Variants in TOPBP1 observed in about 807,000 individuals in gnomAD.
TOPBP1 encodes DNA topoisomerase II binding protein 1.
In TOPBP1, 28 loss-of-function variants were observed where a neutral mutation model predicts 167.7. That is an observed-to-expected ratio of 0.17 (90% CI 0.12 to 0.23). TOPBP1 has a LOEUF of 0.23. Ranked by LOEUF, TOPBP1 falls within the 10% of genes least tolerant of loss-of-function variation. TOPBP1 has a pLI of 1.00. For missense variants in TOPBP1, 1,554 were observed against 1,809.6 expected (o/e 0.86, Z 2.56); for synonymous variants, 598 against 611.4 (o/e 0.98, Z 0.32).
intron 25 of TOPBP1, among the ~76,000 whole-genome samples, chr3:133,609,927 T>C (rs1934617594): frequency 6.6e-6 from 1 of 152,234 alleles, no homozygotes; most frequent in Non-Finnish European, 1.5e-5. Context: ...TATTGAGATA[T>C]AATTCCCAAA....
At chr3:133,638,307 C>T (rs1403318557) in intron 13 of TOPBP1, 145 bp from the exon 14 acceptor site, 2 of 762,898 alleles carry the variant, frequency 2.6e-6, no homozygotes, top group Middle Eastern at 3.8e-4. Flanking sequence ...ACCTCGGCAT[C>T]CTAATCTGTT....
In TOPBP1 at chr3:133,616,794, T is replaced by C. The variant is rs756994432; in HGVS notation, c.3871+20A>G. 1 of 1,396,876 alleles carries C rather than the reference T, an allele frequency of 7.2e-7. No individual in the cohort carries two copies. The highest frequency in any genetic ancestry group is 2.5e-5 in the East Asian group (1 of 39,840). 86.5% of individuals were successfully genotyped at this position (1,396,876 alleles called of 1,614,324 possible). ...TGGTTATTATATGGGACATTTTGGATTTAAGTAAAATACTGGTACCTAGTT... is the reference window on the plus strand; with the variant it reads ...TGGTTATTATATGGGACATTTTGGACTTAAGTAAAATACTGGTACCTAGTT... On this transcript the variant is annotated intron_variant, in intron 23 of 27. Coordinates refer to ENST00000260810, the MANE Select transcript of TOPBP1 (RefSeq NM_007027.4).
At chr3:133,604,934 A>G (rs1934440806) in intron 27 of TOPBP1, among the ~76,000 whole-genome samples, 1 of 151,630 alleles carries the variant, frequency 6.6e-6, no homozygotes. Context: ...TAAAAATACA[A>G]AAAAAGAAAA....
Position 133,617,337 on chromosome 3 carries a change from T to C in TOPBP1, c.3593-11A>G, listed in dbSNP as rs1934931122. The C allele has an allele frequency of 1.3e-6, 2 of 1,592,388 alleles. No individual in the cohort carries two copies. Among genetic ancestry groups the C allele is most frequent in the Admixed American group, 1.8e-5 (1 of 54,648 alleles). On this transcript the variant is annotated splice_polypyrimidine_tract_variant and intron_variant, in intron 21 of 27. Coordinates refer to ENST00000260810, the MANE Select transcript of TOPBP1 (RefSeq NM_007027.4). ...CAGGATCACAGACAGCTGAGGACAA[T>C]AAAATGCTGCAGTGTGACAGGATCC... is the stretch of plus-strand genomic sequence containing the variant.
chr3:133,615,695 T>A (rs1250433241), intron 23 of TOPBP1, among the ~76,000 whole-genome samples: 6 of 151,570 alleles, frequency 4.0e-5, no homozygotes. Context: ...TTACTTTATA[T>A]AAAAAAAAAC....
rs1167225501 is a variant in TOPBP1, at chr3:133,649,509, T to G, written c.1378A>C (p.Ser460Arg). ...VEIPVSHKPE[S>R]KAALLKKKNS... ...TTCTTTTTTAAAAGAGCTGCTTTAC[T>G]TTCAGGCTTATGTGAAACTGGAATT... Residue 460 changes from serine (S) to arginine (R), a missense_variant, in exon 10 of 28, where the codon AGT becomes CGT. Ser to Arg is a moderately radical substitution (Grantham distance 110, BLOSUM62 -1). Around this residue, in one of 3 missense-constraint regions of TOPBP1, gnomAD observed 1,197 missense variants for 1,351.5 expected, o/e 0.89. Transcript: ENST00000260810. 6.2e-7 allele frequency: 1 copy of G among 1,613,962 alleles called. No homozygotes were observed. Among genetic ancestry groups the G allele is most frequent in the East Asian group, 2.2e-5 (1 of 44,868 alleles).
Position 133,620,195 on chromosome 3 carries a change from A to G in TOPBP1, c.3331T>C (p.Ser1111Pro), listed in dbSNP as rs1935037605. The change falls in exon 20 of 28, where the codon TCT becomes CCT. Residue 1111 changes from serine to proline, a missense_variant. Around this residue, in one of 3 missense-constraint regions of TOPBP1, gnomAD observed 1,197 missense variants for 1,351.5 expected, o/e 0.89. Transcript: ENST00000260810. ...ACTCTACTTCGTCCACTGCGAGCAG[A>G]GCGAGTGCTGTCAGGGGTTGAAGAT... is the stretch of plus-strand genomic sequence containing the variant. ...SASSTPDSTR[S>P]ARSGRSRVLE... The G allele has an allele frequency of 1.2e-6, 2 of 1,613,780 alleles. No homozygotes were observed. The highest frequency in any genetic ancestry group is 1.7e-6 in the Non-Finnish European group (2 of 1,179,854).
At chr3:133,622,537 C>T (rs77067273) in intron 19 of TOPBP1, among the ~76,000 whole-genome samples, 2,313 of 151,756 alleles carry the variant, frequency 0.015, 63 homozygotes, top group African/African-American at 0.053. Context: ...AACATATTTA[C>T]GGCTATATAT....
intron 23 of TOPBP1, among the ~76,000 whole-genome samples, chr3:133,616,205 C>T (rs1934872777): frequency 6.6e-6 from 1 of 151,690 alleles, no homozygotes; most frequent in South Asian, 2.1e-4. Flanking sequence ...TTGCAACCTC[C>T]GCCTCCCAGG....
At chr3:133,658,298 C>A (rs1936553548) in intron 3 of TOPBP1, among the ~76,000 whole-genome samples, 1 of 152,020 alleles carries the variant, frequency 6.6e-6, no homozygotes, top group Admixed American at 6.6e-5. Flanking sequence ...GAAACCCCGT[C>A]TCTACTAAAA....
chr3:133,630,754 G>T (rs1041842723), intron 14 of TOPBP1, among the ~76,000 whole-genome samples: 9 of 152,124 alleles, frequency 5.9e-5, no homozygotes, highest in African/African-American at 1.9e-4. Flanking sequence ...CCCAGTTAGA[G>T]AATTTTTAAT....
At chr3:133,624,203 T>C (rs11719585) in intron 16 of TOPBP1, 28 bp from the exon 17 acceptor site, 283,744 of 1,603,562 alleles carry the variant, frequency 0.18, 27,842 homozygotes, top group Non-Finnish European at 0.2. Flanking sequence ...AAAAAACAAA[T>C]AACCAAGAGA....
chr3:133,604,906 A>G (rs1022751173), intron 27 of TOPBP1, among the ~76,000 whole-genome samples: 1 of 151,142 alleles, frequency 6.6e-6, no homozygotes, highest in Non-Finnish European at 1.5e-5. Flanking sequence ...GCGACAGAGC[A>G]AGACTCCATC....
At chr3:133,653,689 G>A (rs1370767458) in intron 6 of TOPBP1, among the ~76,000 whole-genome samples, 165 bp from the exon 7 acceptor site, 1 of 149,994 alleles carries the variant, frequency 6.7e-6, no homozygotes, top group Non-Finnish European at 1.5e-5. Context: ...GTACAGTGGT[G>A]AGATCTTGGC....
rs754884600 is a variant in TOPBP1, at chr3:133,644,177, C to T, written c.1691G>A (p.Ser564Asn). 1.9e-6 allele frequency: 3 copies of T among 1,613,868 alleles called. No individual in the cohort carries two copies. The highest frequency in any genetic ancestry group is 3.3e-5 in the Admixed American group (2 of 59,974). Residue 564 changes from serine to asparagine, a missense_variant, in exon 11 of 28, where the codon AGT (serine) becomes AAT (asparagine). Coordinates refer to ENST00000260810, the MANE Select transcript of TOPBP1 (RefSeq NM_007027.4). The part of the protein sequence containing the change: ...SQKSFLVLGF[S>N]NENESNIANI... Reference sequence around the variant, plus strand: ...TGCGATGTTAGATTCATTTTCATTACTAAAACCCAAAACAAGGAAACTCTT... The same window carrying T: ...TGCGATGTTAGATTCATTTTCATTATTAAAACCCAAAACAAGGAAACTCTT...
At chr3:133,656,999 C>A in intron 4 of TOPBP1, 142 bp from the exon 5 acceptor site, 2 of 730,676 alleles carry the variant, frequency 2.7e-6, no homozygotes, top group South Asian at 5.0e-5. Context: ...AATAATTAAC[C>A]AAATTATTTT....
In TOPBP1 at chr3:133,601,263, G is replaced by C; in HGVS notation, c.4556C>G (p.Pro1519Arg). Reference sequence around the variant, plus strand: ...GGGTAGATGCGATTAGTGTACTCTAGGTCGTTTGATTTTATTTTTTTCTGT... The same window carrying C: ...GGGTAGATGCGATTAGTGTACTCTACGTCGTTTGATTTTATTTTTTTCTGT... Reference protein sequence around the residue: ...APTEKNKIKRPRVH With the variant: ...APTEKNKIKRRRVH Residue 1519 changes from proline to arginine, a missense_variant, in exon 28 of 28, where the codon CCT becomes CGT. By Grantham distance (103) the Pro-to-Arg change is moderately radical. This residue lies in a region of TOPBP1 where 351 missense variants were observed against 432.9 expected (regional missense o/e 0.81). Coordinates refer to ENST00000260810, the MANE Select transcript of TOPBP1 (RefSeq NM_007027.4). The C allele has an allele frequency of 6.2e-7, 1 of 1,604,388 alleles. No individual in the cohort carries two copies. Among genetic ancestry groups the C allele is most frequent in the Non-Finnish European group, 8.5e-7 (1 of 1,177,370 alleles).
At chr3:133,616,122 CTTT>C (rs200080685) in intron 23 of TOPBP1, among the ~76,000 whole-genome samples, 5 of 141,244 alleles carry the variant, frequency 3.5e-5, no homozygotes, top group Admixed American at 7.1e-5. Context: ...TTTCTTTTCC[CTTT>C]TTTTTTTTTT....
intron 14 of TOPBP1, among the ~76,000 whole-genome samples, chr3:133,634,657 G>A (rs916888220): frequency 6.6e-6 from 1 of 152,126 alleles, no homozygotes; most frequent in Non-Finnish European, 1.5e-5. Flanking sequence ...AGGCAGTAGT[G>A]GAAGAGCATT....
Sources: allele counts gnomAD v4.1 joint callset (sites outside exome capture counted in the v4.1 genomes callset), GRCh38; gene constraint gnomAD v4.1.1; regional missense constraint gnomAD v4.1.1; transcripts MANE v1.5; gene names NCBI Gene and HGNC (gene_info 2026-07-23, HGNC 2026-07-21).